DCC: variants seen among roughly 807,000 people sequenced by gnomAD.
DCC encodes DCC netrin 1 receptor.
A neutral mutation model predicts 172.5 loss-of-function variants in DCC; 58 were observed. The observed-to-expected ratio is 0.34, with a 90% CI of 0.27 to 0.42. The LOEUF is 0.42. DCC is among the 10% of genes least tolerant of loss of function. DCC has a pLI of 1.00. For synonymous variants in DCC, 709 were observed against 644.5 expected (o/e 1.10, Z -1.52); for missense variants, 1,740 against 1,791.0 (o/e 0.97, Z 0.51).
chr18:52,821,495 T>C (rs1220201584), intron 2 of DCC, among the ~76,000 whole-genome samples: 2 of 152,230 alleles, frequency 1.3e-5, no homozygotes, highest in Non-Finnish European at 2.9e-5. Context: ...GAGTGTTTTA[T>C]TGTGTTGACT....
chr18:52,529,352 A>G (rs1246428742), intron 1 of DCC, among the ~76,000 whole-genome samples: 2 of 152,096 alleles, frequency 1.3e-5, no homozygotes, highest in South Asian at 2.1e-4. Flanking sequence ...GTGCAGTGGC[A>G]CGATCTCAGC....
chr18:52,372,002 T>C (rs1481143627), intron 1 of DCC, among the ~76,000 whole-genome samples: 1 of 152,214 alleles, frequency 6.6e-6, no homozygotes, highest in East Asian at 1.9e-4. Flanking sequence ...TTTGATCAGC[T>C]ACTCATTTGG....
At chr18:53,325,674 G>GT (rs1345138737) in intron 14 of DCC, among the ~76,000 whole-genome samples, 1 of 152,176 alleles carries the variant, frequency 6.6e-6, no homozygotes, top group Non-Finnish European at 1.5e-5. Flanking sequence ...AATTGGATTT[G>GT]TTTGAACTTT....
At chr18:52,761,910 AAAAAAAAAAAAAAAAG>A (rs1212602913) in intron 2 of DCC, among the ~76,000 whole-genome samples, 1 of 138,210 alleles carries the variant, frequency 7.2e-6, no homozygotes, top group Non-Finnish European at 1.6e-5. Flanking sequence ...CTCTGTCTCA[AAAAAAAAAAAAAAAAG>A]AAAAAAAAAA....
intron 9 of DCC, among the ~76,000 whole-genome samples, chr18:53,179,467 A>T (rs1013364904): frequency 6.6e-6 from 1 of 152,212 alleles, no homozygotes; most frequent in African/African-American, 2.4e-5. Flanking sequence ...TTGAGTTTGT[A>T]AAGAGTGTAA....
At chr18:52,534,095 C>A (rs2032224379) in intron 1 of DCC, among the ~76,000 whole-genome samples, 1 of 151,970 alleles carries the variant, frequency 6.6e-6, no homozygotes, top group Non-Finnish European at 1.5e-5. Flanking sequence ...ATTTGGTTTA[C>A]CCATTTGTGA....
At chr18:53,134,782 A>G (rs2043715185) in intron 7 of DCC, among the ~76,000 whole-genome samples, 1 of 152,190 alleles carries the variant, frequency 6.6e-6, no homozygotes, top group South Asian at 2.1e-4. Context: ...AAAGACAGAC[A>G]CATTAAACCT....
rs570354158 is a variant in DCC at position 52,838,531 on chromosome 18, CTT to C, written c.413-67512_413-67511del. 2.2e-3 allele frequency among the ~76,000 whole-genome samples: 334 copies of C among 152,142 alleles called. 2 individuals carry two copies. Among genetic ancestry groups the C allele is most frequent in the African/African-American group, 7.7e-3 (318 of 41,508 alleles). ...GGGGAGGGGAAGAAGAAAAAGAAAA[CTT>C]AATTTTTATGGTAAGAAATCGATTA... On this transcript the variant is annotated intron_variant, in intron 2 of 28. Transcript: ENST00000442544.
At chr18:53,016,376 C>T (rs1038604081) in intron 5 of DCC, among the ~76,000 whole-genome samples, 1 of 151,930 alleles carries the variant, frequency 6.6e-6, no homozygotes, top group Non-Finnish European at 1.5e-5. Flanking sequence ...ATAGAACATG[C>T]CTTTGAACAT....
chr18:52,886,298 C>A lies in DCC; in HGVS notation c.413-19746C>A, dbSNP rs142611918. ...ACTTAGAACCCCAGAGCGCTTTGGACCATGGTGGCAAGGCCTGCCAAGAAA... is the reference window on the plus strand; with the variant it reads ...ACTTAGAACCCCAGAGCGCTTTGGAACATGGTGGCAAGGCCTGCCAAGAAA... On this transcript the variant is annotated intron_variant, in intron 2 of 28. Coordinates refer to ENST00000442544, the MANE Select transcript of DCC (RefSeq NM_005215.4). 2.2e-3 allele frequency among the ~76,000 whole-genome samples: 337 copies of A among 152,224 alleles called. 2 individuals are homozygous for A. Among genetic ancestry groups the A allele is most frequent in the Admixed American group, 0.019 (294 of 15,276 alleles).
intron 1 of DCC, among the ~76,000 whole-genome samples, chr18:52,391,607 G>A (rs1425098770): frequency 6.6e-6 from 1 of 152,060 alleles, no homozygotes; most frequent in Non-Finnish European, 1.5e-5. Flanking sequence ...TTATCATCTT[G>A]CCATACTCAG....
intron 7 of DCC, among the ~76,000 whole-genome samples, chr18:53,072,606 C>G (rs760946764): frequency 6.6e-6 from 1 of 151,998 alleles, no homozygotes; most frequent in Non-Finnish European, 1.5e-5. Context: ...GGCATAAATG[C>G]GTGAAGACAG....
chr18:53,207,785 C>G lies in DCC; in HGVS notation c.1829C>G (p.Thr610Ser). The change falls in exon 11 of 29, where the codon ACT becomes AGT. Residue 610 changes from threonine (T) to serine (S), a missense_variant. By Grantham distance (58) the Thr-to-Ser change is moderately conservative. Transcript: ENST00000442544. ...AATCGCTATGGTCCGGGCGTCTCTA[C>G]TGATGATATAACAGTGGTTACACTT... is the stretch of plus-strand genomic sequence containing the variant. Reference protein sequence around the residue: ...AYNRYGPGVSTDDITVVTLSD... With the variant: ...AYNRYGPGVSSDDITVVTLSD... 6.2e-7 allele frequency: 1 copy of G among 1,613,120 alleles called. No homozygotes were observed. Among genetic ancestry groups the G allele is most frequent in the Non-Finnish European group, 8.5e-7 (1 of 1,179,166 alleles).
intron 1 of DCC, among the ~76,000 whole-genome samples, chr18:52,515,606 C>CAAAAAA (rs58112743): frequency 0.013 from 136 of 10,326 alleles, 30 homozygotes; most frequent in South Asian, 0.027. Flanking sequence ...AACCCTGTCT[C>CAAAAAA]AAAAAAAAAA....
intron 1 of DCC, among the ~76,000 whole-genome samples, chr18:52,545,329 T>G (rs966774931): frequency 6.6e-6 from 1 of 152,212 alleles, no homozygotes; most frequent in Non-Finnish European, 1.5e-5. Context: ...GAGAGCAGGC[T>G]TTTGCCTGCC....
chr18:52,847,815 A>G (rs946350980), intron 2 of DCC, among the ~76,000 whole-genome samples: 1 of 152,230 alleles, frequency 6.6e-6, no homozygotes, highest in Non-Finnish European at 1.5e-5. Context: ...CCCTAGTTGA[A>G]TGGTATAACT....
intron 7 of DCC, among the ~76,000 whole-genome samples, chr18:53,115,965 G>A (rs563275272): frequency 4.0e-4 from 60 of 151,538 alleles, no homozygotes; most frequent in African/African-American, 1.4e-3. Context: ...ATGTGGGAGC[G>A]GGGTTGAGGG....
rs1275403440 is a variant in DCC, at chr18:53,200,502, T to TG, written c.1574-4713dup. Among the ~76,000 whole-genome samples, 10 of 152,314 alleles carry TG rather than the reference T, an allele frequency of 6.6e-5. No homozygotes were observed. The East Asian group carries it at 1.9e-3, about 29-fold the overall frequency. ...TGCATATCCTTGTGGAAAAGACAGTTGCTGCAATTACTTGCACAACTCAAT... is the reference window on the plus strand; with the variant it reads ...TGCATATCCTTGTGGAAAAGACAGTTGGCTGCAATTACTTGCACAACTCAAT... On this transcript the variant is annotated intron_variant, in intron 9 of 28. Transcript: ENST00000442544.
intron 12 of DCC, among the ~76,000 whole-genome samples, chr18:53,234,463 T>C (rs1351941257): frequency 6.6e-6 from 1 of 151,278 alleles, no homozygotes; most frequent in Non-Finnish European, 1.5e-5. Flanking sequence ...AAATAAAATA[T>C]TGGCCAGTCA....
Sources: gnomAD v4.1 joint callset for allele counts (sites outside exome capture counted in the v4.1 genomes callset) on GRCh38, gnomAD v4.1.1 for gene constraint, MANE v1.5 for transcripts, NCBI Gene and HGNC (gene_info 2026-07-23, HGNC 2026-07-21) for gene names.